The following TUBGCP2 variants were observed in gnomAD, a reference collection of about 807,000 sequenced individuals.
TUBGCP2 encodes the protein tubulin gamma complex component 2.
In TUBGCP2, 55 loss-of-function variants were observed where a neutral mutation model predicts 92.2. The observed-to-expected ratio is 0.60, with a 90% CI of 0.48 to 0.75. TUBGCP2 has a LOEUF of 0.75. Among genes scored for constraint, TUBGCP2 ranks in the 30% least tolerant of loss-of-function variants. The pLI is 0.00. For missense variants in TUBGCP2, 1,093 were observed against 1,188.9 expected (o/e 0.92, Z 1.19); for synonymous variants, 533 against 505.2 (o/e 1.06, Z -0.74).
chr10:133,302,929 G>T lies in TUBGCP2; in HGVS notation c.13C>A (p.Arg5=). Residue 5 remains arginine (R), a synonymous_variant, in exon 2 of 18, where the codon CGG becomes AGG. Transcript: ENST00000252936. MSEF[R]IHHDVNELLS... Reference sequence around the variant, plus strand: ...AGTTCATTGACGTCATGGTGAATCCGAAATTCACTCATAGTTTTAGCTCTG... The same window carrying T: ...AGTTCATTGACGTCATGGTGAATCCTAAATTCACTCATAGTTTTAGCTCTG... 6.2e-7 allele frequency: 1 copy of T among 1,614,046 alleles called. No homozygotes were observed. The highest frequency in any genetic ancestry group is 8.5e-7 in the Non-Finnish European group (1 of 1,179,998).
intron 8 of TUBGCP2, chr10:133,291,125 G>A (rs1163066214): frequency 3.0e-6 from 1 of 332,782 alleles, no homozygotes; most frequent in Non-Finnish European, 5.6e-6. Flanking sequence ...ATAAGCAGCT[G>A]GGCCATTCCT....
In TUBGCP2 at chr10:133,296,588, C is replaced by T. The variant is rs1341674005; in HGVS notation, c.616+1364G>A. ...GACCTCTCAGGCTCAAGTGATCCTC[C>T]CACCTCAGCCTCCTGAGTAGCTGGG... On this transcript the variant is annotated intron_variant, in intron 5 of 17. Coordinates refer to ENST00000252936, the MANE Select transcript of TUBGCP2 (RefSeq NM_006659.4). Among the ~76,000 whole-genome samples, 6 of 152,218 alleles carry T rather than the reference C, an allele frequency of 3.9e-5. No homozygotes were observed. In the East Asian group the frequency reaches 1.2e-3, roughly 29 times the overall value.
intron 5 of TUBGCP2, among the ~76,000 whole-genome samples, chr10:133,294,621 C>CT (rs1168972072): frequency 2.7e-5 from 4 of 150,926 alleles, no homozygotes; most frequent in Admixed American, 2.0e-4. Flanking sequence ...TTTTTTTTTC[C>CT]TTTTTTTATT....
At position 133,293,620 on chromosome 10, in the gene TUBGCP2, T is replaced by C. The variant is rs1019606197; in HGVS notation, c.766A>G (p.Ile256Val). The C allele has an allele frequency of 1.3e-6, 2 of 1,568,552 alleles. No homozygotes were observed. Among genetic ancestry groups the C allele is most frequent in the Non-Finnish European group, 1.7e-6 (2 of 1,156,902 alleles). ...AGGATCCTGTGCACCAGCTCCCTGA[T>C]GGACAGGTCCAGGTTGGGGTCCACG... ...FLVDPNLDLS[I>V]RELVHRILPV... is the part of the protein sequence containing the mutation. Residue 256 changes from isoleucine (I) to valine (V), a missense_variant, in exon 6 of 18, where the codon ATC becomes GTC. Around this residue, in one of 3 missense-constraint regions of TUBGCP2, gnomAD observed 490 missense variants for 488.5 expected, o/e 1.00. Transcript: ENST00000252936.
chr10:133,310,433 G>A, upstream of TUBGCP2: 4 of 1,042,306 alleles, frequency 3.8e-6, no homozygotes, highest in Non-Finnish European at 5.5e-6. Context: ...TGAAGCCCTG[G>A]CAACACAGCT....
chr10:133,299,985 C>T lies in TUBGCP2; in HGVS notation c.279G>A (p.Glu93=), dbSNP rs1847600714. The change falls in exon 3 of 18, where the codon GAG becomes GAA. Residue 93 remains glutamate, a splice_region_variant and synonymous_variant. Coordinates refer to ENST00000252936, the MANE Select transcript of TUBGCP2 (RefSeq NM_006659.4). ...TGTGGCACGTGGCATGGGCACCTAC[C>T]TCTTTGTCTTCCGTGAGCTTTGACA... ...YLLSKLTEDK[E]TLQYLQQNAK... is the part of the protein sequence containing the mutation. 3 of 1,613,792 alleles carry T rather than the reference C, an allele frequency of 1.9e-6. No individual in the cohort carries two copies. Among genetic ancestry groups the T allele is most frequent in the African/African-American group, 2.7e-5 (2 of 74,920 alleles).
Position 133,288,888 on chromosome 10 carries a change from A to C in TUBGCP2, c.1493T>G (p.Val498Gly). 3.1e-6 allele frequency: 5 copies of C among 1,614,040 alleles called. No individual in the cohort carries two copies. Among genetic ancestry groups the C allele is most frequent in the Non-Finnish European group, 4.2e-6 (5 of 1,179,942 alleles). Reference protein sequence around the residue: ...IEKAFNYASKVLLDFLMEEKE... With the variant: ...IEKAFNYASKGLLDFLMEEKE... ...CTCCTCCATCAGGAAGTCCAGCAGC[A>C]CCTTGCTGGCGTAGTTAAACGCCTT... Residue 498 changes from valine to glycine, a missense_variant, in exon 10 of 18, where the codon GTG becomes GGG. Transcript: ENST00000252936.
chr10:133,309,837 T>C, upstream of TUBGCP2: 1 of 1,613,760 alleles, frequency 6.2e-7, no homozygotes, highest in South Asian at 1.1e-5. Context: ...CCTGGACGAC[T>C]ACGAGCACCA....
At chr10:133,283,055 T>C (rs1847029442) in intron 15 of TUBGCP2, 23 bp downstream of exon 15, 1 of 1,612,698 alleles carries the variant, frequency 6.2e-7, no homozygotes, top group Non-Finnish European at 8.5e-7. Flanking sequence ...GCCCACCCGA[T>C]GGTGCTACCC....
In TUBGCP2 at chr10:133,299,509, G is replaced by A. The variant is rs199504692; in HGVS notation, c.374C>T (p.Ala125Val). 6.4e-5 allele frequency: 104 copies of A among 1,613,638 alleles called. 3 individuals carry two copies. The East Asian group carries it at 9.6e-4, about 15-fold the overall frequency. ...SSTTSINVPAAASKISMQELE... is the reference protein window; with the variant it reads ...SSTTSINVPAVASKISMQELE... The stretch of plus-strand genomic sequence containing the variant: ...CTCCTGCATGGAGATCTTGGAGGCC[G>A]CGGCAGGGACGTTGATGCTGGTGGT... Residue 125 changes from alanine (A) to valine (V), a missense_variant, in exon 4 of 18, where the codon GCG becomes GTG. By Grantham distance (64) the Ala-to-Val change is moderately conservative. This residue lies in a region of TUBGCP2 where 490 missense variants were observed against 488.5 expected (regional missense o/e 1.00). Coordinates refer to ENST00000252936, the MANE Select transcript of TUBGCP2 (RefSeq NM_006659.4).
rs755519817 is a variant in TUBGCP2 at position 133,289,812 on chromosome 10, G to A, written c.1360+12C>T. 1.3e-5 allele frequency: 20 copies of A among 1,581,138 alleles called. No individual in the cohort carries two copies. The highest frequency in any genetic ancestry group is 1.7e-4 in the Middle Eastern group (1 of 5,926). ...TGCTGCGCACCCCAAGTCCCCGCCC[G>A]CTGCGCCGCACCTGTGCTGAGGATC... On this transcript the variant is annotated intron_variant, in intron 9 of 17. Coordinates refer to ENST00000252936, the MANE Select transcript of TUBGCP2 (RefSeq NM_006659.4).
At position 133,283,976 on chromosome 10, in the gene TUBGCP2, T is replaced by C. The variant is rs1847063050; in HGVS notation, c.2051A>G (p.Gln684Arg). ...QWFAGAFTLRQRMLNFVQNIQ... is the reference protein window; with the variant it reads ...QWFAGAFTLRRRMLNFVQNIQ... ...ATTCTGGACGAAGTTGAGCATTCGC[T>C]GCCGCAGAGTGAAAGCCCCAGCAAA... is the stretch of plus-strand genomic sequence containing the variant. The change falls in exon 14 of 18, where the codon CAG (glutamine) becomes CGG (arginine). Residue 684 changes from glutamine to arginine, a missense_variant. This residue lies in a region of TUBGCP2 where 598 missense variants were observed against 675.5 expected (regional missense o/e 0.89). Coordinates refer to ENST00000252936, the MANE Select transcript of TUBGCP2 (RefSeq NM_006659.4). The C allele has an allele frequency of 6.2e-7, 1 of 1,613,856 alleles. No individual in the cohort carries two copies. Among genetic ancestry groups the C allele is most frequent in the Non-Finnish European group, 8.5e-7 (1 of 1,179,980 alleles).
At chr10:133,298,935 A>G (rs1331300368) in intron 4 of TUBGCP2, among the ~76,000 whole-genome samples, 1 of 152,266 alleles carries the variant, frequency 6.6e-6, no homozygotes, top group Non-Finnish European at 1.5e-5. Flanking sequence ...TGGCAGCTCT[A>G]ATGAGAGAGA....
chr10:133,309,290 C>CGGAGCGCGGGATGACTG, upstream of TUBGCP2: 1 of 1,449,688 alleles, frequency 6.9e-7, no homozygotes, highest in Non-Finnish European at 9.3e-7. Flanking sequence ...GGGGCGGGAC[C>CGGAGCGCGGGATGACTG]GGAGCGCGGG....
At chr10:133,293,354 C>A in intron 6 of TUBGCP2, 116 bp from the exon 7 acceptor site, 1 of 1,312,190 alleles carries the variant, frequency 7.6e-7, no homozygotes, top group East Asian at 2.4e-5. Context: ...ACCCCACATC[C>A]CAGAGGGGAA....
chr10:133,285,271 A>G lies in TUBGCP2; in HGVS notation c.1896-58T>C. ...CTCCGTGACCGGCGGCGTCGTGGACACGGCGTCTGTACTCCACAGTCCGCA... is the reference window on the plus strand; with the variant it reads ...CTCCGTGACCGGCGGCGTCGTGGACGCGGCGTCTGTACTCCACAGTCCGCA... On this transcript the variant is annotated intron_variant, in intron 12 of 17. Transcript: ENST00000252936. This position sits in a 1 kb window ranked among gnomAD's most constrained non-coding sequence, Gnocchi z 6.8. 1 of 1,605,440 alleles carries G rather than the reference A, an allele frequency of 6.2e-7. No individual in the cohort carries two copies. Among genetic ancestry groups the G allele is most frequent in the Non-Finnish European group, 8.5e-7 (1 of 1,179,308 alleles).
At chr10:133,281,494 C>T in intron 16 of TUBGCP2, 58 bp from the exon 17 acceptor site, 1 of 1,588,086 alleles carries the variant, frequency 6.3e-7, no homozygotes, top group South Asian at 1.1e-5. Context: ...GCCTTCTTGG[C>T]TCCACACTGT....
Position 133,285,697 on chromosome 10 carries a change from C to T in TUBGCP2, c.1723-69G>A. On this transcript the variant is annotated intron_variant, in intron 11 of 17. Transcript: ENST00000252936. The surrounding 1 kb of genome is among the most constrained non-coding windows in gnomAD (Gnocchi z 6.8). ...AAGACCCGAAGTCGCATCCCGATCG[C>T]CATCCTCGCTCACAGACCCAGCGCT... is the stretch of plus-strand genomic sequence containing the variant. The T allele has an allele frequency of 7.0e-7, 1 of 1,423,860 alleles. No individual in the cohort carries two copies. Among genetic ancestry groups the T allele is most frequent in the South Asian group, 1.6e-5 (1 of 61,910 alleles). The allele number at this position is 1,423,860 out of a possible 1,614,324, so 88.2% of individuals were successfully genotyped here. A position where few individuals can be genotyped will look rare whatever the true frequency, so the allele number is the denominator to read the frequency against.
intron 1 of TUBGCP2, among the ~76,000 whole-genome samples, chr10:133,305,465 C>T (rs754339381): frequency 7.2e-5 from 11 of 152,106 alleles, no homozygotes; most frequent in Non-Finnish European, 1.5e-4. Context: ...CCGGTCTCTG[C>T]GTCTTGGTGG....
Sources: gnomAD v4.1 joint callset for allele counts (sites outside exome capture counted in the v4.1 genomes callset) on GRCh38, gnomAD v4.1.1 for gene constraint, gnomAD v4.1.1 regional missense constraint, Gnocchi (gnomAD v3.1) non-coding constraint, MANE v1.5 for transcripts, NCBI Gene and HGNC (gene_info 2026-07-23, HGNC 2026-07-21) for gene names.